Variants in CNTN5 observed in about 807,000 individuals in gnomAD.
CNTN5 encodes the protein contactin-5.
A neutral mutation model predicts 129.1 loss-of-function variants in CNTN5; 77 were observed. That is an observed-to-expected ratio of 0.60 (90% CI 0.50 to 0.72). The LOEUF (loss-of-function observed/expected upper bound fraction) is 0.72, where lower values mean the gene tolerates loss of function less well. Ranked by LOEUF, CNTN5 falls within the 30% of genes least tolerant of loss-of-function variation. The pLI is 0.00. For missense variants in CNTN5, 1,478 were observed against 1,328.8 expected (o/e 1.11, Z -1.75); for synonymous variants, 509 against 465.6 (o/e 1.09, Z -1.20).
chr11:100,297,980 A>G (rs547181974), intron 19 of CNTN5, among the ~76,000 whole-genome samples: 3 of 151,630 alleles, frequency 2.0e-5, no homozygotes, highest in African/African-American at 7.2e-5. Flanking sequence ...TTTGATTACA[A>G]AATTTGTGTC....
At chr11:99,829,320 A>G (rs1377181500) in intron 4 of CNTN5, among the ~76,000 whole-genome samples, 1 of 152,230 alleles carries the variant, frequency 6.6e-6, no homozygotes, top group East Asian at 1.9e-4. Context: ...CGATGAAAAC[A>G]TGGTTGTGAA....
At chr11:99,554,205 G>A (rs926683214) in intron 2 of CNTN5, among the ~76,000 whole-genome samples, 6 of 152,034 alleles carry the variant, frequency 3.9e-5, no homozygotes, top group Non-Finnish European at 7.4e-5. Flanking sequence ...TCTATCCTCC[G>A]GTCACAGGTT....
chr11:99,080,076 A>G lies in CNTN5; in HGVS notation c.-210+58806A>G, dbSNP rs139850861. On this transcript the variant is annotated intron_variant, in intron 1 of 24. Coordinates refer to ENST00000524871, the MANE Select transcript of CNTN5 (RefSeq NM_014361.4). ...TAGGTGCAAAGTGAATAATTTTATT[A>G]TAAAACAAAACTTCAAAATTAAACA... Among the ~76,000 whole-genome samples, 1,333 of 152,340 alleles carry G rather than the reference A, an allele frequency of 8.8e-3. 23 individuals carry two copies. The highest frequency in any genetic ancestry group is 0.03 in the African/African-American group (1,254 of 41,576).
intron 15 of CNTN5, among the ~76,000 whole-genome samples, chr11:100,220,432 A>G (rs1184117624): frequency 6.6e-6 from 1 of 152,196 alleles, no homozygotes; most frequent in Non-Finnish European, 1.5e-5. Flanking sequence ...AAGATTTAGA[A>G]AACTAAAAAT....
intron 2 of CNTN5, among the ~76,000 whole-genome samples, chr11:99,383,722 A>G (rs1240182692): frequency 6.6e-6 from 1 of 152,146 alleles, no homozygotes; most frequent in Non-Finnish European, 1.5e-5. Context: ...TTTTTAAAGT[A>G]TGCTATTAAG....
At chr11:99,985,003 C>A (rs551805291) in intron 8 of CNTN5, among the ~76,000 whole-genome samples, 1 of 152,130 alleles carries the variant, frequency 6.6e-6, no homozygotes, top group Non-Finnish European at 1.5e-5. Flanking sequence ...TACTATCCTG[C>A]GGCAGTGCCC....
At chr11:99,796,466 C>T (rs1036581346) in intron 3 of CNTN5, among the ~76,000 whole-genome samples, 6 of 152,004 alleles carry the variant, frequency 3.9e-5, no homozygotes, top group African/African-American at 7.2e-5. Flanking sequence ...GGGGTAAGTG[C>T]GAGTGACCTG....
At chr11:99,922,949 T>A (rs971287011) in intron 7 of CNTN5, among the ~76,000 whole-genome samples, 1 of 152,186 alleles carries the variant, frequency 6.6e-6, no homozygotes, top group Non-Finnish European at 1.5e-5. Context: ...GATATTTGGG[T>A]CACTTAATAT....
At chr11:100,058,989 A>G (rs1943355365) in intron 9 of CNTN5, among the ~76,000 whole-genome samples, 1 of 152,186 alleles carries the variant, frequency 6.6e-6, no homozygotes, top group Non-Finnish European at 1.5e-5. Flanking sequence ...CAGGAGATCC[A>G]GAAAGAAGTA....
chr11:100,163,664 C>T (rs1947530470), intron 13 of CNTN5, among the ~76,000 whole-genome samples: 3 of 151,770 alleles, frequency 2.0e-5, no homozygotes, highest in Admixed American at 2.0e-4. Flanking sequence ...TTTCTGCTGA[C>T]CTTGTTTATT....
intron 3 of CNTN5, among the ~76,000 whole-genome samples, chr11:99,643,178 C>A (rs1022686102): frequency 3.3e-5 from 5 of 151,862 alleles, no homozygotes; most frequent in Admixed American, 2.6e-4. Flanking sequence ...TTTATGCAAC[C>A]AAAACAAGGA....
At chr11:99,636,928 A>G (rs181278415) in intron 3 of CNTN5, among the ~76,000 whole-genome samples, 15,715 of 54,302 alleles carry the variant, frequency 0.29, 2,908 homozygotes, top group Non-Finnish European at 0.39. Flanking sequence ...CAGGAGAATC[A>G]CTTGAGCCCA....
In CNTN5 at chr11:99,959,765, G is replaced by C. The variant is rs145137096; in HGVS notation, c.877+2756G>C. The stretch of plus-strand genomic sequence containing the variant: ...AAAACAAAACTGTTATTTTAAGGTT[G>C]ACATTTAACAAAAACAAAAAAACCA... On this transcript the variant is annotated intron_variant, in intron 8 of 24. Coordinates refer to ENST00000524871, the MANE Select transcript of CNTN5 (RefSeq NM_014361.4). 1.1e-3 allele frequency among the ~76,000 whole-genome samples: 171 copies of C among 152,072 alleles called. 1 individual carries two copies. The highest frequency in any genetic ancestry group is 4.0e-3 in the African/African-American group (166 of 41,526).
chr11:99,036,818 C>T (rs530562907), intron 1 of CNTN5, among the ~76,000 whole-genome samples: 4 of 152,144 alleles, frequency 2.6e-5, no homozygotes, highest in Non-Finnish European at 4.4e-5. Context: ...AATATTTGAA[C>T]ATCCCTTTAT....
intron 3 of CNTN5, among the ~76,000 whole-genome samples, chr11:99,557,197 T>C (rs1948701068): frequency 6.6e-6 from 1 of 151,260 alleles, no homozygotes; most frequent in African/African-American, 2.4e-5. Flanking sequence ...AAAATATTCA[T>C]TTTGATATAT....
intron 3 of CNTN5, among the ~76,000 whole-genome samples, chr11:99,769,799 G>C (rs1261983981): frequency 1.4e-5 from 2 of 138,768 alleles, no homozygotes; most frequent in Non-Finnish European, 3.1e-5. Flanking sequence ...CTGGGCAATA[G>C]AGTGAGACCC....
At chr11:99,059,218 G>A (rs1864769416) in intron 1 of CNTN5, among the ~76,000 whole-genome samples, 1 of 151,768 alleles carries the variant, frequency 6.6e-6, no homozygotes, top group African/African-American at 2.4e-5. Flanking sequence ...AGGATTCATG[G>A]TATTTATTTA....
chr11:100,228,487 A>C (rs1949426389), intron 16 of CNTN5, among the ~76,000 whole-genome samples: 1 of 152,322 alleles, frequency 6.6e-6, no homozygotes, highest in African/African-American at 2.4e-5. Context: ...CAATCAATTC[A>C]GTTCCATTTA....
intron 6 of CNTN5, among the ~76,000 whole-genome samples, chr11:99,861,037 AC>A (rs1488897877): frequency 6.7e-6 from 1 of 149,886 alleles, no homozygotes; most frequent in African/African-American, 2.5e-5. Context: ...CTCACTGCAA[AC>A]TGCGCCTCCC....
Sources: allele counts gnomAD v4.1 joint callset (sites outside exome capture counted in the v4.1 genomes callset), GRCh38; gene constraint gnomAD v4.1.1; transcripts MANE v1.5; gene names NCBI Gene and HGNC (gene_info 2026-07-23, HGNC 2026-07-21).